The following KIAA1549L variants were observed in gnomAD, a reference collection of about 807,000 sequenced individuals.
KIAA1549L encodes the protein KIAA1549 like.
In KIAA1549L, 88 loss-of-function variants were observed where a neutral mutation model predicts 160.7. That is an observed-to-expected ratio of 0.55 (90% CI 0.46 to 0.65). KIAA1549L has a LOEUF of 0.65. Among genes scored for constraint, KIAA1549L ranks in the 30% least tolerant of loss-of-function variants. The probability of loss-of-function intolerance (pLI) is 0.00; values close to 1 mark genes in which losing one functional copy is unlikely to be tolerated. For synonymous variants in KIAA1549L, 950 were observed against 976.7 expected, an observed-to-expected ratio of 0.97 and a Z score of 0.51; for missense variants, 2,258 against 2,437.5, an observed-to-expected ratio of 0.93 and a Z score of 1.55.
chr11:33,376,339 G>A lies in KIAA1549L; in HGVS notation c.-313G>A, dbSNP rs1849951912. The A allele has an allele frequency of 6.8e-6, 1 of 148,092 alleles. No individual in the cohort carries two copies. The highest frequency in any genetic ancestry group is 1.5e-5 in the Non-Finnish European group (1 of 66,728). 9.2% of individuals were successfully genotyped at this position (148,092 alleles called of 1,614,324 possible). A position where few individuals can be genotyped will look rare whatever the true frequency, so the allele number is the denominator to read the frequency against. ...TCTGCAGGAGCCGGCCCGGGGGAGGGGGCCCCGGGCGGCGCCCGTCCCACC... is the reference window on the plus strand; with the variant it reads ...TCTGCAGGAGCCGGCCCGGGGGAGGAGGCCCCGGGCGGCGCCCGTCCCACC... On this transcript the variant is annotated 5_prime_UTR_variant, in exon 1 of 21. Transcript: ENST00000658780. This position sits in a 1 kb window ranked among gnomAD's most constrained non-coding sequence, Gnocchi z 5.8.
chr11:33,381,639 A>G (rs1425427595), intron 1 of KIAA1549L, among the ~76,000 whole-genome samples: 2 of 152,226 alleles, frequency 1.3e-5, no homozygotes, highest in African/African-American at 4.8e-5. Flanking sequence ...AAGAGGTGAC[A>G]TAATCTGACT....
intron 1 of KIAA1549L, among the ~76,000 whole-genome samples, chr11:33,505,632 C>T (rs771930451): frequency 1.3e-5 from 2 of 152,214 alleles, no homozygotes; most frequent in Non-Finnish European, 2.9e-5. Context: ...GTTCATTCCC[C>T]TGTTGTTTCT....
chr11:33,400,503 C>G (rs1423512213), intron 1 of KIAA1549L, among the ~76,000 whole-genome samples: 1 of 152,144 alleles, frequency 6.6e-6, no homozygotes, highest in Non-Finnish European at 1.5e-5. Context: ...TAGGATAATG[C>G]TAGGGGTCTT....
chr11:33,502,416 C>T (rs538325270), intron 1 of KIAA1549L, among the ~76,000 whole-genome samples: 3 of 152,278 alleles, frequency 2.0e-5, no homozygotes, highest in East Asian at 1.9e-4. Context: ...GGAAAAGAAA[C>T]GTGGTGATAT....
chr11:33,510,634 C>T (rs1379855603), intron 1 of KIAA1549L, among the ~76,000 whole-genome samples: 1 of 152,220 alleles, frequency 6.6e-6, no homozygotes, highest in Admixed American at 6.5e-5. Flanking sequence ...AAAGCAAAGG[C>T]ATAGTGATGC....
At chr11:33,661,602 G>T (rs1852261925) in intron 20 of KIAA1549L, among the ~76,000 whole-genome samples, 1 of 152,158 alleles carries the variant, frequency 6.6e-6, no homozygotes, top group Non-Finnish European at 1.5e-5. Flanking sequence ...AGATTGGGCT[G>T]GGTGCCGTGG....
intron 1 of KIAA1549L, among the ~76,000 whole-genome samples, chr11:33,487,455 T>C (rs1007870846): frequency 2.1e-5 from 3 of 140,878 alleles, no homozygotes; most frequent in African/African-American, 2.6e-5. Context: ...GCAGCCAACA[T>C]CCAGACGGTC....
In KIAA1549L at chr11:33,589,484, T is replaced by A. The variant is rs1849982525; in HGVS notation, c.4567-1753T>A. ...ATACGTATGTTTATTGCGGCACTAT[T>A]CACAATAGCAAAGACTTGGAACCAA... On this transcript the variant is annotated intron_variant, in intron 11 of 20. Transcript: ENST00000658780. 2.6e-5 allele frequency among the ~76,000 whole-genome samples: 4 copies of A among 152,342 alleles called. No individual in the cohort carries two copies. The South Asian group carries it at 8.3e-4, about 32-fold the overall frequency.
chr11:33,510,224 C>T (rs1377659016), intron 1 of KIAA1549L, among the ~76,000 whole-genome samples: 1 of 152,082 alleles, frequency 6.6e-6, no homozygotes, highest in Non-Finnish European at 1.5e-5. Flanking sequence ...CTTGTTCTGT[C>T]ACCCAGACTG....
At chr11:33,627,440 T>C (rs546723143) in intron 16 of KIAA1549L, among the ~76,000 whole-genome samples, 3 of 152,204 alleles carry the variant, frequency 2.0e-5, no homozygotes, top group South Asian at 4.2e-4. Flanking sequence ...CCAGCTCCTG[T>C]TATTGGTCTA....
rs138609792 is a variant in KIAA1549L at position 33,673,285 on chromosome 11, G to A, written c.*5131G>A. 7 of 152,226 alleles carry A rather than the reference G, an allele frequency of 4.6e-5. No individual in the cohort carries two copies. In the East Asian group the frequency reaches 7.7e-4, roughly 17 times the overall value. 9.4% of individuals were successfully genotyped at this position (152,226 alleles called of 1,614,324 possible). On this transcript the variant is annotated 3_prime_UTR_variant, in exon 21 of 21. Coordinates refer to ENST00000658780, the MANE Select transcript of KIAA1549L (RefSeq NM_012194.3). Reference sequence around the variant, plus strand: ...TATAAGTGAAATCTAAAAATTGATCGTTTTCATTCTCTGACTTTGGTCAGA... The same window carrying A: ...TATAAGTGAAATCTAAAAATTGATCATTTTCATTCTCTGACTTTGGTCAGA...
intron 6 of KIAA1549L, among the ~76,000 whole-genome samples, chr11:33,555,284 G>A (rs1419305747): frequency 6.6e-6 from 1 of 152,182 alleles, no homozygotes; most frequent in Non-Finnish European, 1.5e-5. Flanking sequence ...CCCAGTGACT[G>A]TTTTTCACAG....
At chr11:33,384,942 T>G (rs926301426) in intron 1 of KIAA1549L, among the ~76,000 whole-genome samples, 5 of 148,654 alleles carry the variant, frequency 3.4e-5, no homozygotes, top group Non-Finnish European at 6.0e-5. Flanking sequence ...TTTTTGTTTT[T>G]TGTTTTTTTT....
Position 33,606,784 on chromosome 11 carries a change from G to C in KIAA1549L, c.5023G>C (p.Asp1675His). ...CCTCCCCATGGTGCCCCCCACCTCG[G>C]ACAGGAGCCAGGAGTCATCGGCAGT... ...TALPMVPPTS[D>H]RSQESSAVLN... The change falls in exon 14 of 21, where the codon GAC (aspartate) becomes CAC (histidine). Residue 1675 changes from aspartate (D) to histidine (H), a missense_variant. This residue lies in a region of KIAA1549L where 1,359 missense variants were observed against 1,546.6 expected (regional missense o/e 0.88). Transcript: ENST00000658780. 2 of 1,612,876 alleles carry C rather than the reference G, an allele frequency of 1.2e-6. No individual in the cohort carries two copies. The highest frequency in any genetic ancestry group is 1.7e-6 in the Non-Finnish European group (2 of 1,179,472).
intron 1 of KIAA1549L, among the ~76,000 whole-genome samples, chr11:33,381,109 C>T (rs1335178504): frequency 2.6e-5 from 4 of 152,062 alleles, no homozygotes; most frequent in Admixed American, 6.5e-5. Flanking sequence ...GTGAAGATCT[C>T]GTTGAAATGT....
intron 17 of KIAA1549L, among the ~76,000 whole-genome samples, chr11:33,652,147 G>A (rs983235521): frequency 3.3e-5 from 5 of 151,506 alleles, no homozygotes; most frequent in Non-Finnish European, 7.4e-5. Context: ...CGTGGCACTG[G>A]GAACTTGGAA....
In KIAA1549L at chr11:33,618,637, G is replaced by A. The variant is rs560632849; in HGVS notation, c.5384G>A (p.Arg1795His). ...DLLVTRERPR[R>H]GIRNSGYDTE... ...CTGGTGACTCGGGAGCGACCCCGGC[G>A]TGGAATCCGCAACAGCGGATACGAT... Residue 1795 changes from arginine (R) to histidine (H), a missense_variant, in exon 16 of 21, where the codon CGT (arginine) becomes CAT (histidine). Transcript: ENST00000658780. 6 of 1,599,660 alleles carry A rather than the reference G, an allele frequency of 3.8e-6. No individual in the cohort carries two copies. The highest frequency in any genetic ancestry group is 2.3e-5 in the East Asian group (1 of 44,318).
At chr11:33,555,705 AC>A (rs927387294) in intron 6 of KIAA1549L, among the ~76,000 whole-genome samples, 3 of 152,206 alleles carry the variant, frequency 2.0e-5, no homozygotes, top group African/African-American at 7.2e-5. Flanking sequence ...AAACCGTAGG[AC>A]TTTTATGGGA....
intron 1 of KIAA1549L, among the ~76,000 whole-genome samples, chr11:33,398,406 G>GC (rs1444594932): frequency 6.6e-6 from 1 of 152,148 alleles, no homozygotes; most frequent in African/African-American, 2.4e-5. Flanking sequence ...TGGCAATTAG[G>GC]CATTGGCAGG....
Sources: gnomAD v4.1 joint callset for allele counts (sites outside exome capture counted in the v4.1 genomes callset) on GRCh38, gnomAD v4.1.1 for gene constraint, gnomAD v4.1.1 regional missense constraint, Gnocchi (gnomAD v3.1) non-coding constraint, MANE v1.5 for transcripts, NCBI Gene and HGNC (gene_info 2026-07-23, HGNC 2026-07-21) for gene names.